TESK2: variants seen among roughly 807,000 people sequenced by gnomAD.
TESK2 encodes testis associated actin remodelling kinase 2.
A neutral mutation model predicts 57.1 loss-of-function variants in TESK2; 39 were observed. The observed-to-expected ratio is 0.68, with a 90% CI of 0.53 to 0.89. The LOEUF is 0.89. Ranked by LOEUF, TESK2 falls within the 40% of genes least tolerant of loss-of-function variation. TESK2 has a pLI of 0.00. For missense variants in TESK2, 646 were observed against 732.1 expected (o/e 0.88, Z 1.36); for synonymous variants, 249 against 267.9 (o/e 0.93, Z 0.69).
rs143573919 is a variant in TESK2 at position 45,471,612 on chromosome 1, T to C, written c.-86-13741A>G. On this transcript the variant is annotated intron_variant, in intron 1 of 10. Coordinates refer to ENST00000372086, the MANE Select transcript of TESK2 (RefSeq NM_007170.3). ...TAGTGGAGATGGGGTTTCACTATGT[T>C]GGCCAGGATGGTCTCAATCTCTTGA... Among the ~76,000 whole-genome samples, 884 of 152,072 alleles carry C rather than the reference T, an allele frequency of 5.8e-3. 7 individuals are homozygous for C. The highest frequency in any genetic ancestry group is 0.019 in the African/African-American group (800 of 41,470).
chr1:45,393,919 C>T (rs370900369), intron 3 of TESK2, among the ~76,000 whole-genome samples: 41 of 152,036 alleles, frequency 2.7e-4, no homozygotes, highest in South Asian at 6.2e-4. Flanking sequence ...TATCAAAAAT[C>T]GAAATGAAGC....
At chr1:45,356,443 T>C (rs1046704579) in intron 4 of TESK2, among the ~76,000 whole-genome samples, 14 of 151,848 alleles carry the variant, frequency 9.2e-5, no homozygotes, top group South Asian at 2.1e-4. Flanking sequence ...CTGAACAGCA[T>C]AGTGAGAGAC....
chr1:45,471,536 G>A (rs1246658475), intron 1 of TESK2, among the ~76,000 whole-genome samples: 2 of 151,818 alleles, frequency 1.3e-5, no homozygotes, highest in Non-Finnish European at 2.9e-5. Context: ...CTCCCGAGTG[G>A]CTGGGACTAC....
intron 1 of TESK2, among the ~76,000 whole-genome samples, chr1:45,459,189 C>T (rs1652236154): frequency 6.6e-6 from 1 of 152,172 alleles, no homozygotes; most frequent in Admixed American, 6.5e-5. Context: ...CTCAATATGG[C>T]GGCTTTCTAA....
chr1:45,358,753 T>C (rs1214625885), intron 4 of TESK2, among the ~76,000 whole-genome samples: 2 of 152,048 alleles, frequency 1.3e-5, no homozygotes, highest in Admixed American at 6.6e-5. Context: ...AATGACTACA[T>C]ACTATTACTC....
At chr1:45,435,562 ATTTTTTTTTTTT>A (rs750074178) in intron 2 of TESK2, among the ~76,000 whole-genome samples, 1 of 68,886 alleles carries the variant, frequency 1.5e-5, no homozygotes, top group East Asian at 4.0e-4. Flanking sequence ...CTGTGGTCTA[ATTTTTTTTTTTT>A]TTTTTTTTTT....
rs753087306 is a variant in TESK2, at chr1:45,399,140, A to ATTTTTTT, written c.345-13187_345-13181dup. 5.3e-3 allele frequency among the ~76,000 whole-genome samples: 530 copies of ATTTTTTT among 99,708 alleles called. 14 individuals are homozygous for ATTTTTTT. The highest frequency in any genetic ancestry group is 6.4e-3 in the Non-Finnish European group (341 of 53,282). 65.4% of individuals were successfully genotyped at this position (99,708 alleles called of 152,430 possible). ...TCATTGAACTTAAATAAAAGTTGAA[A>ATTTTTTT]TTTTTTTTTTTTTTTTTTTTTTTTT... On this transcript the variant is annotated intron_variant, in intron 3 of 10. Transcript: ENST00000372086.
intron 2 of TESK2, among the ~76,000 whole-genome samples, chr1:45,437,912 T>C (rs1570730931): frequency 6.6e-6 from 1 of 152,304 alleles, no homozygotes; most frequent in East Asian, 1.9e-4. Context: ...TCATAGATGT[T>C]GGGGTTTGGG....
chr1:45,381,427 A>C (rs1409346369), intron 4 of TESK2, among the ~76,000 whole-genome samples: 1 of 152,214 alleles, frequency 6.6e-6, no homozygotes, highest in Non-Finnish European at 1.5e-5. Flanking sequence ...TCTGAACATA[A>C]GGAGAGTCAT....
At chr1:45,439,563 A>G (rs777444607) in intron 2 of TESK2, among the ~76,000 whole-genome samples, 1 of 152,204 alleles carries the variant, frequency 6.6e-6, no homozygotes, top group Admixed American at 6.5e-5. Flanking sequence ...TATTTTCTCA[A>G]CAACTCTAAA....
chr1:45,401,457 A>G (rs765320940), intron 3 of TESK2, among the ~76,000 whole-genome samples: 10 of 152,050 alleles, frequency 6.6e-5, no homozygotes, highest in Non-Finnish European at 1.3e-4. Context: ...TGACACTGCT[A>G]TTACTACTGT....
At chr1:45,464,376 A>T (rs1435775868) in intron 1 of TESK2, among the ~76,000 whole-genome samples, 7 of 151,724 alleles carry the variant, frequency 4.6e-5, no homozygotes, top group Non-Finnish European at 7.4e-5. Flanking sequence ...ATGAGCCAAG[A>T]TCACATCACT....
intron 1 of TESK2, among the ~76,000 whole-genome samples, chr1:45,468,912 T>C (rs1570761006): frequency 6.6e-6 from 1 of 152,218 alleles, no homozygotes; most frequent in South Asian, 2.1e-4. Flanking sequence ...TTTTTGTTCT[T>C]AGACTAGGAA....
intron 3 of TESK2, among the ~76,000 whole-genome samples, chr1:45,391,798 C>T (rs1649157191): frequency 6.6e-6 from 1 of 152,232 alleles, no homozygotes; most frequent in African/African-American, 2.4e-5. Context: ...CACTTTTCAC[C>T]CTACTTTGAA....
At chr1:45,411,120 AGAGAT>A (rs1650025200) in intron 3 of TESK2, among the ~76,000 whole-genome samples, 1 of 152,208 alleles carries the variant, frequency 6.6e-6, no homozygotes, top group African/African-American at 2.4e-5. Flanking sequence ...TCATGTGGCT[AGAGAT>A]CACAAGATTT....
At chr1:45,485,207 G>C (rs1056406643) in intron 1 of TESK2, among the ~76,000 whole-genome samples, 5 of 128,212 alleles carry the variant, frequency 3.9e-5, no homozygotes, top group African/African-American at 1.3e-4. Flanking sequence ...GTTTTTTTTT[G>C]AGATGGAGTC....
chr1:45,490,274 G>T (rs1314652702), intron 1 of TESK2, among the ~76,000 whole-genome samples: 1 of 152,130 alleles, frequency 6.6e-6, no homozygotes, highest in Non-Finnish European at 1.5e-5. Flanking sequence ...CCTGGATTTC[G>T]CTTGTAGCGA....
chr1:45,416,758 C>T (rs528749383), intron 3 of TESK2, among the ~76,000 whole-genome samples: 55 of 152,144 alleles, frequency 3.6e-4, no homozygotes, highest in Non-Finnish European at 6.3e-4. Flanking sequence ...CCACTCACCC[C>T]ATCCTCTGGT....
chr1:45,347,859 T>C, intron 6 of TESK2, 59 bp downstream of exon 6: 26 of 1,508,812 alleles, frequency 1.7e-5, no homozygotes, highest in Non-Finnish European at 2.1e-5. Context: ...GAGGCTAGAA[T>C]TTTCCCTTAG....
Sources: allele counts gnomAD v4.1 joint callset (sites outside exome capture counted in the v4.1 genomes callset), GRCh38; gene constraint gnomAD v4.1.1; transcripts MANE v1.5; gene names NCBI Gene and HGNC (gene_info 2026-07-23, HGNC 2026-07-21).